Variants in FBN2 observed in about 807,000 individuals in gnomAD.
The protein encoded by FBN2 is fibrillin 2.
Under a neutral mutation model 355.6 loss-of-function variants are expected in FBN2, and 105 were observed. That is an observed-to-expected ratio of 0.30 (90% CI 0.25 to 0.35). The LOEUF is 0.35. FBN2 is among the 10% of genes least tolerant of loss of function. The pLI is 1.00. For synonymous variants in FBN2, 1,350 were observed against 1,301.2 expected, an observed-to-expected ratio of 1.04 and a Z score of -0.81; for missense variants, 3,280 against 3,758.7, an observed-to-expected ratio of 0.87 and a Z score of 3.33.
chr5:128,521,377 G>C (rs980869879), intron 4 of FBN2, among the ~76,000 whole-genome samples: 2 of 152,094 alleles, frequency 1.3e-5, no homozygotes, highest in African/African-American at 4.8e-5. Context: ...GGGAGGGCAG[G>C]GGGAGGGAGA....
chr5:128,491,817 C>T (rs1374683095), intron 5 of FBN2, among the ~76,000 whole-genome samples: 2 of 152,098 alleles, frequency 1.3e-5, no homozygotes, highest in African/African-American at 2.4e-5. Context: ...TCAACCAGAA[C>T]CACAATTATT....
intron 48 of FBN2, among the ~76,000 whole-genome samples, chr5:128,294,689 G>GC (rs1248316533): frequency 6.7e-6 from 1 of 148,582 alleles, no homozygotes; most frequent in African/African-American, 2.5e-5. Flanking sequence ...GGGGTTGTTT[G>GC]TTTTTTTCTT....
At chr5:128,444,210 C>A (rs1362732144) in intron 7 of FBN2, among the ~76,000 whole-genome samples, 1 of 151,466 alleles carries the variant, frequency 6.6e-6, no homozygotes, top group Non-Finnish European at 1.5e-5. Context: ...GTAGCTGGGA[C>A]TACAGGCGCC....
chr5:128,525,100 A>C (rs1214658009), intron 4 of FBN2, among the ~76,000 whole-genome samples: 4 of 152,150 alleles, frequency 2.6e-5, no homozygotes, highest in African/African-American at 9.7e-5. Context: ...CGTATGCCCA[A>C]GGCATGAAGA....
chr5:128,281,642 TTTAA>T (rs934599271), intron 55 of FBN2, among the ~76,000 whole-genome samples: 6 of 152,270 alleles, frequency 3.9e-5, no homozygotes, highest in Non-Finnish European at 7.4e-5. Context: ...TTTCTTCCAC[TTTAA>T]TTAATTTAAA....
chr5:128,326,689 G>T lies in FBN2; in HGVS notation c.4471+2007C>A, dbSNP rs957476915. On this transcript the variant is annotated intron_variant, in intron 34 of 64. Coordinates refer to ENST00000262464, the MANE Select transcript of FBN2 (RefSeq NM_001999.4). ...AGAGGAGAGAAAAACAAGGAGAATG[G>T]CCAGAACCATGGAATTACATTTTTT... 2.6e-5 allele frequency among the ~76,000 whole-genome samples: 4 copies of T among 152,280 alleles called. No homozygotes were observed. In the East Asian group the frequency reaches 7.7e-4, roughly 29 times the overall value.
chr5:128,280,430 G>C (rs970312495), intron 55 of FBN2, 113 bp from the exon 56 acceptor site: 27 of 786,254 alleles, frequency 3.4e-5, no homozygotes, highest in Non-Finnish European at 5.4e-5. Flanking sequence ...ATACTAATAT[G>C]ATGAGATTAA....
At position 128,434,394 on chromosome 5, in the gene FBN2, G is replaced by GTATATATATATATATATATATATA. The variant is rs6149234; in HGVS notation, c.952+12063_952+12086dup. ...CAATGCCTGGCAGTGAATAAAGTGT[G>GTATATATATATATATATATATATA]TATATATATATATATATATATATAT... On this transcript the variant is annotated intron_variant, in intron 7 of 64. Transcript: ENST00000262464. Among the ~76,000 whole-genome samples the GTATATATATATATATATATATATA allele has an allele frequency of 3.9e-3, 359 of 91,494 alleles. 9 individuals carry two copies. Among genetic ancestry groups the GTATATATATATATATATATATATA allele is most frequent in the Non-Finnish European group, 4.8e-3 (232 of 48,544 alleles). 60.0% of individuals were successfully genotyped at this position (91,494 alleles called of 152,430 possible).
chr5:128,289,308 C>T (rs879777300), intron 51 of FBN2, 56 bp from the exon 52 acceptor site: 185 of 1,587,912 alleles, frequency 1.2e-4, no homozygotes, highest in Non-Finnish European at 1.5e-4. Flanking sequence ...GCCGGCCAGG[C>T]GCAGTGGCTC....
At chr5:128,385,000 T>C (rs964969158) in intron 11 of FBN2, among the ~76,000 whole-genome samples, 1 of 152,100 alleles carries the variant, frequency 6.6e-6, no homozygotes, top group East Asian at 1.9e-4. Context: ...TATCCCTCAA[T>C]TGGCTCAGAA....
At chr5:128,488,245 C>A (rs997002702) in intron 5 of FBN2, among the ~76,000 whole-genome samples, 26 of 152,218 alleles carry the variant, frequency 1.7e-4, no homozygotes, top group African/African-American at 6.3e-4. Flanking sequence ...AACACTAAAT[C>A]TTCTGGTCCA....
intron 27 of FBN2, 82 bp from the exon 28 acceptor site, chr5:128,336,195 G>T (rs1750836824): frequency 2.9e-6 from 4 of 1,362,998 alleles, no homozygotes; most frequent in Non-Finnish European, 4.2e-6. Flanking sequence ...CAGAGCAGTG[G>T]TCTCCAAAGG....
At chr5:128,471,205 G>A (rs933722037) in intron 5 of FBN2, among the ~76,000 whole-genome samples, 2 of 151,928 alleles carry the variant, frequency 1.3e-5, no homozygotes, top group Non-Finnish European at 2.9e-5. Flanking sequence ...TAATTCCTTC[G>A]AGTAATGGAG....
At chr5:128,464,675 G>T in intron 6 of FBN2, 49 bp downstream of exon 6, 2 of 1,589,466 alleles carry the variant, frequency 1.3e-6, no homozygotes, top group South Asian at 1.1e-5. Context: ...CCAACAAAAA[G>T]AGAAGTGGCA....
At chr5:128,421,303 G>A (rs192222616) in intron 7 of FBN2, among the ~76,000 whole-genome samples, 24 of 152,240 alleles carry the variant, frequency 1.6e-4, no homozygotes, top group African/African-American at 5.1e-4. Context: ...CAGGGCTGAC[G>A]TAGAAATGGG....
chr5:128,309,764 T>C (rs571748711), intron 40 of FBN2, among the ~76,000 whole-genome samples: 1 of 152,298 alleles, frequency 6.6e-6, no homozygotes, highest in South Asian at 2.1e-4. Flanking sequence ...TATATAACAT[T>C]TGAGGAAATT....
intron 58 of FBN2, 92 bp from the exon 59 acceptor site, chr5:128,276,252 T>C (rs1005224656): frequency 1.4e-6 from 2 of 1,395,360 alleles, no homozygotes; most frequent in Non-Finnish European, 2.0e-6. Context: ...TTCTTTTTGT[T>C]TTTCCTGTTC....
intron 41 of FBN2, 25 bp downstream of exon 41, chr5:128,309,222 G>A: frequency 6.2e-7 from 1 of 1,612,472 alleles, no homozygotes; most frequent in Non-Finnish European, 8.5e-7. Context: ...GTGGCAGTCA[G>A]CAGATGCACG....
Position 128,530,655 on chromosome 5 carries a change from G to A in FBN2, c.376C>T (p.Arg126Cys), listed in dbSNP as rs1756677654. 6.2e-7 allele frequency: 1 copy of A among 1,612,994 alleles called. No individual in the cohort carries two copies. The highest frequency in any genetic ancestry group is 8.5e-7 in the Non-Finnish European group (1 of 1,179,218). ...RNSCGDGFCS[R>C]PNMCTCSSGQ... ...CTGGAACAAGTACACATGTTAGGAC[G>A]GGAACAAAATCCATCTCCACAACTA... Residue 126 changes from arginine (R) to cysteine (C), a missense_variant, in exon 3 of 65, where the codon CGT (arginine) becomes TGT (cysteine). Arg to Cys is a radical substitution (Grantham distance 180). Transcript: ENST00000262464.
Sources: gnomAD v4.1 joint callset for allele counts (sites outside exome capture counted in the v4.1 genomes callset) on GRCh38, gnomAD v4.1.1 for gene constraint, MANE v1.5 for transcripts, NCBI Gene and HGNC (gene_info 2026-07-23, HGNC 2026-07-21) for gene names.